Variants in NRDC observed in about 807,000 individuals in gnomAD.
NRDC encodes nardilysin convertase.
A neutral mutation model predicts 147.1 loss-of-function variants in NRDC; 54 were observed. That is an observed-to-expected ratio of 0.37 (90% CI 0.29 to 0.46). NRDC has a LOEUF of 0.46. NRDC is among the 20% of genes least tolerant of loss of function. NRDC has a pLI of 1.00. For missense variants in NRDC, 1,082 were observed against 1,370.6 expected, an observed-to-expected ratio of 0.79 and a Z score of 3.33; for synonymous variants, 440 against 482.1, an observed-to-expected ratio of 0.91 and a Z score of 1.14.
At chr1:51,833,934 A>G (rs1680829911) in intron 4 of NRDC, 83 bp downstream of exon 4, 28 of 1,228,040 alleles carry the variant, frequency 2.3e-5, no homozygotes, top group Non-Finnish European at 2.7e-5. Flanking sequence ...TATTGTGACA[A>G]TTCTACTGTA....
intron 1 of NRDC, among the ~76,000 whole-genome samples, chr1:51,864,246 T>C (rs1298952361): frequency 6.6e-6 from 1 of 152,186 alleles, no homozygotes; most frequent in East Asian, 1.9e-4. Flanking sequence ...ATATTGGCGG[T>C]ACCTAGCTAT....
In NRDC at chr1:51,821,014, T is replaced by C. The variant is rs181363902; in HGVS notation, c.1217+484A>G. ...CAATTTCTTATAAAAGAACATCTGG[T>C]TTGACTATATGAAGTAAGTTTTTCA... On this transcript the variant is annotated intron_variant, in intron 8 of 30. Coordinates refer to ENST00000352171, the MANE Select transcript of NRDC (RefSeq NM_001101662.2). Among the ~76,000 whole-genome samples, 26 of 152,258 alleles carry C rather than the reference T, an allele frequency of 1.7e-4. No individual in the cohort carries two copies. The East Asian group carries it at 3.7e-3, about 21-fold the overall frequency.
At chr1:51,807,796 C>CTT (rs35756457) in intron 17 of NRDC, among the ~76,000 whole-genome samples, 20 of 127,464 alleles carry the variant, frequency 1.6e-4, no homozygotes, top group African/African-American at 3.8e-4. Context: ...ATAATTAATA[C>CTT]TTTTTTTTTT....
Position 51,790,510 on chromosome 1 carries a change from T to C in NRDC, c.3168+23A>G. ...CAGGAACCTTGACCAGTTTGAGCTG[T>C]CTTACTCTGAAAACCATGTTACCTC... is the stretch of plus-strand genomic sequence containing the variant. On this transcript the variant is annotated intron_variant, in intron 29 of 30. Coordinates refer to ENST00000352171, the MANE Select transcript of NRDC (RefSeq NM_001101662.2). 3 of 1,469,442 alleles carry C rather than the reference T, an allele frequency of 2.0e-6. No homozygotes were observed. The South Asian group carries it at 3.4e-5, about 17-fold the overall frequency. 91.0% of individuals were successfully genotyped at this position (1,469,442 alleles called of 1,614,324 possible).
chr1:51,876,506 T>G (rs1327454960), intron 1 of NRDC, among the ~76,000 whole-genome samples: 2 of 152,212 alleles, frequency 1.3e-5, no homozygotes, highest in African/African-American at 2.4e-5. Flanking sequence ...GAACCAACCA[T>G]CAAAAAGCAA....
intron 2 of NRDC, among the ~76,000 whole-genome samples, chr1:51,839,112 A>G (rs1681131315): frequency 6.6e-6 from 1 of 151,720 alleles, no homozygotes; most frequent in African/African-American, 2.4e-5. Context: ...TCTACTACTT[A>G]TACCTCAACT....
At chr1:51,837,222 G>A (rs757163598) in intron 2 of NRDC, among the ~76,000 whole-genome samples, 1 of 151,608 alleles carries the variant, frequency 6.6e-6, no homozygotes, top group Non-Finnish European at 1.5e-5. Flanking sequence ...AATTTTACAG[G>A]GCTAACATAT....
chr1:51,795,882 TAAAC>T lies in NRDC; in HGVS notation c.2605-1032_2605-1029del, dbSNP rs373151200. ...ATCTTCTATTTCTTAAGCACTTCTT[TAAAC>T]AAACAAAAAAAAACACCAGGGTCTT... is the stretch of plus-strand genomic sequence containing the variant. On this transcript the variant is annotated intron_variant, in intron 22 of 30. Transcript: ENST00000352171. 2.8e-4 allele frequency among the ~76,000 whole-genome samples: 42 copies of T among 152,054 alleles called. No homozygotes were observed. In the East Asian group the frequency reaches 7.5e-3, roughly 27 times the overall value.
At chr1:51,821,678 A>G in intron 7 of NRDC, 123 bp from the exon 8 acceptor site, 1 of 683,300 alleles carries the variant, frequency 1.5e-6, no homozygotes, top group Middle Eastern at 2.5e-4. Flanking sequence ...TTTGGCCATT[A>G]CTTGCCACTC....
rs568649743 is a variant in NRDC at position 51,792,327 on chromosome 1, T to A, written c.2823+50A>T. On this transcript the variant is annotated intron_variant, in intron 25 of 30. Coordinates refer to ENST00000352171, the MANE Select transcript of NRDC (RefSeq NM_001101662.2). ...CCCAGGCAGAAAAGGCCGGGCCTCA[T>A]AGTGGGTCAGGGGCTGCTGAAAACC... 9.4e-6 allele frequency: 15 copies of A among 1,590,820 alleles called. No individual in the cohort carries two copies. In the South Asian group the frequency reaches 1.4e-4, roughly 15 times the overall value.
chr1:51,838,064 G>A (rs769692451), intron 2 of NRDC, among the ~76,000 whole-genome samples: 4 of 151,958 alleles, frequency 2.6e-5, no homozygotes, highest in East Asian at 1.9e-4. Context: ...TACCACTTAC[G>A]ATCGTGGGAT....
intron 26 of NRDC, 67 bp from the exon 27 acceptor site, chr1:51,791,728 A>G (rs745755622): frequency 3.1e-5 from 40 of 1,295,170 alleles, no homozygotes; most frequent in Non-Finnish European, 4.1e-5. Flanking sequence ...TGGAGGCACT[A>G]GATAGGAGTG....
chr1:51,808,037 C>T (rs1475785015), intron 17 of NRDC, among the ~76,000 whole-genome samples: 1 of 152,050 alleles, frequency 6.6e-6, no homozygotes, highest in Non-Finnish European at 1.5e-5. Flanking sequence ...AACTCCTGAC[C>T]TCAGGTGATG....
intron 8 of NRDC, among the ~76,000 whole-genome samples, chr1:51,820,739 T>C (rs762907213): frequency 1.1e-4 from 16 of 152,132 alleles, no homozygotes; most frequent in Non-Finnish European, 1.9e-4. Context: ...TAATTATGTA[T>C]TAGAAGACTA....
At chr1:51,813,050 A>C (rs1538879) in intron 14 of NRDC, among the ~76,000 whole-genome samples, 120,968 of 151,180 alleles carry the variant, frequency 0.8, 49,353 homozygotes, top group East Asian at 0.98. Flanking sequence ...GAGGCCAATG[A>C]GGGAGGATAA....
At chr1:51,846,632 C>T (rs374695015) in intron 1 of NRDC, among the ~76,000 whole-genome samples, 1 of 152,204 alleles carries the variant, frequency 6.6e-6, no homozygotes. Flanking sequence ...AGGAGTGAAG[C>T]TGCAGACCTT....
chr1:51,825,312 T>G lies in NRDC; in HGVS notation c.1011A>C (p.Gly337=), dbSNP rs11205896. The change falls in exon 6 of 31, where the codon GGA becomes GGC. Residue 337 remains glycine, a synonymous_variant. Transcript: ENST00000352171. ...EMLFGSLARP[G]HPMGKFFWGN... Reference sequence around the variant, plus strand: ...CCCAAAAAAATTTTCCCATAGGATGTCCAGGTCTAGCAAGGCTTCCAAACA... The same window carrying G: ...CCCAAAAAAATTTTCCCATAGGATGGCCAGGTCTAGCAAGGCTTCCAAACA... The G allele has an allele frequency of 0.5, 802,745 of 1,597,674 alleles. 207,619 individuals carry two copies. The highest frequency in any genetic ancestry group is 0.85 in the East Asian group (37,316 of 43,880).
At position 51,846,508 on chromosome 1, in the gene NRDC, C is replaced by A. The variant is rs975274431; in HGVS notation, c.342-5994G>T. Among the ~76,000 whole-genome samples, 3 of 152,212 alleles carry A rather than the reference C, an allele frequency of 2.0e-5. No individual in the cohort carries two copies. In the South Asian group the frequency reaches 6.2e-4, roughly 32 times the overall value. ...GACTTCAAGAATGAAGCCGCGGAGC[C>A]CCGCGGTGAGTGTTACAGTTCTTAA... On this transcript the variant is annotated intron_variant, in intron 1 of 30. Transcript: ENST00000352171.
intron 2 of NRDC, among the ~76,000 whole-genome samples, chr1:51,839,160 C>CTTTTTTTTT (rs5774110): frequency 1.5e-5 from 2 of 133,784 alleles, no homozygotes; most frequent in East Asian, 2.2e-4. Context: ...TTTTCTTTTT[C>CTTTTTTTTT]TTTTTTTTTT....
Sources: gnomAD v4.1 joint callset for allele counts (sites outside exome capture counted in the v4.1 genomes callset) on GRCh38, gnomAD v4.1.1 for gene constraint, MANE v1.5 for transcripts, NCBI Gene and HGNC (gene_info 2026-07-23, HGNC 2026-07-21) for gene names.